TAFA2: variants seen among roughly 807,000 people sequenced by gnomAD.
TAFA2 encodes chemokine-like protein TAFA-2.
Under a neutral mutation model 18.8 loss-of-function variants are expected in TAFA2, and 7 were observed. The ratio of observed to expected loss-of-function variants is 0.37; its 90% CI spans 0.21 to 0.70. The LOEUF (loss-of-function observed/expected upper bound fraction) is 0.70. TAFA2 is among the 30% of genes least tolerant of loss of function. The pLI is 0.53. For missense variants in TAFA2, 122 were observed against 158.1 expected, an observed-to-expected ratio of 0.77 and a Z score of 1.23; for synonymous variants, 60 against 54.2, an observed-to-expected ratio of 1.11 and a Z score of -0.47.
intron 1 of TAFA2, among the ~76,000 whole-genome samples, chr12:61,918,290 C>A (rs1876912790): frequency 6.6e-6 from 1 of 152,084 alleles, no homozygotes; most frequent in South Asian, 2.1e-4. Context: ...TAACCATCCC[C>A]CCTTTTCCCC....
At chr12:62,094,054 A>C (rs1486718207) in intron 1 of TAFA2, among the ~76,000 whole-genome samples, 1 of 144,968 alleles carries the variant, frequency 6.9e-6, no homozygotes, top group Non-Finnish European at 1.5e-5. Flanking sequence ...AAATTCAGAA[A>C]ACTTTGTTTT....
intron 2 of TAFA2, among the ~76,000 whole-genome samples, chr12:61,819,594 C>T (rs908586022): frequency 6.6e-6 from 1 of 152,058 alleles, no homozygotes; most frequent in Admixed American, 6.6e-5. Context: ...TTATATTTTT[C>T]CTCAGATTCT....
chr12:62,238,341 C>G (rs2062847255), intron 1 of TAFA2, among the ~76,000 whole-genome samples: 3 of 152,168 alleles, frequency 2.0e-5, no homozygotes, highest in African/African-American at 7.2e-5. Flanking sequence ...TATTTGTTTT[C>G]AATTTTCCGT....
chr12:61,886,313 G>A (rs1442750591), intron 1 of TAFA2, among the ~76,000 whole-genome samples: 1 of 152,042 alleles, frequency 6.6e-6, no homozygotes, highest in African/African-American at 2.4e-5. Flanking sequence ...ATTTTCCCAG[G>A]CCTGACTCCT....
Position 61,977,996 on chromosome 12 carries a change from A to C in TAFA2, c.-1-110570T>G, listed in dbSNP as rs910684362. Among the ~76,000 whole-genome samples, 7 of 152,190 alleles carry C rather than the reference A, an allele frequency of 4.6e-5. No individual in the cohort carries two copies. In the East Asian group the frequency reaches 1.4e-3, roughly 29 times the overall value. On this transcript the variant is annotated intron_variant, in intron 1 of 4. Coordinates refer to ENST00000416284, the MANE Select transcript of TAFA2 (RefSeq NM_178539.5). ...TTAGATTAAGAATTCCTTTTATAAA[A>C]ATAATGAAAACATTGCTACAATAGT... is the stretch of plus-strand genomic sequence containing the variant.
chr12:61,806,703 G>A (rs1168488956), intron 2 of TAFA2, among the ~76,000 whole-genome samples: 1 of 152,182 alleles, frequency 6.6e-6, no homozygotes, highest in South Asian at 2.1e-4. Context: ...AGACAATAAA[G>A]TCCAGGCTGA....
At position 61,863,892 on chromosome 12, in the gene TAFA2, C is replaced by T. The variant is rs545811668; in HGVS notation, c.106+3428G>A. 9.2e-5 allele frequency among the ~76,000 whole-genome samples: 14 copies of T among 152,218 alleles called. No individual in the cohort carries two copies. The South Asian group carries it at 1.2e-3, about 14-fold the overall frequency. On this transcript the variant is annotated intron_variant, in intron 2 of 4. Transcript: ENST00000416284. ...AATGGCCAATGGACACAAGGGTAGA[C>T]GAGGCCATCTATCTTGCCTCAAGGA...
At chr12:61,904,637 GAA>G (rs1221497264) in intron 1 of TAFA2, among the ~76,000 whole-genome samples, 1 of 152,114 alleles carries the variant, frequency 6.6e-6, no homozygotes, top group Non-Finnish European at 1.5e-5. Context: ...TCAGCAAAAA[GAA>G]AAGACTCAGT....
intron 1 of TAFA2, among the ~76,000 whole-genome samples, chr12:62,113,144 A>G (rs566760664): frequency 5.3e-4 from 81 of 152,102 alleles, no homozygotes; most frequent in Admixed American, 1.3e-4. Context: ...CTTTGATGTC[A>G]GTGATCTTCG....
chr12:61,946,413 C>T (rs200095423), intron 1 of TAFA2, among the ~76,000 whole-genome samples: 1,917 of 109,226 alleles, frequency 0.018, 5 homozygotes, highest in East Asian at 0.041. Context: ...ACTTCATGTC[C>T]AAAACACCAA....
chr12:61,734,013 G>A (rs1868263072), intron 4 of TAFA2, among the ~76,000 whole-genome samples: 1 of 147,782 alleles, frequency 6.8e-6, no homozygotes, highest in Non-Finnish European at 1.5e-5. Context: ...GGATTCCTAG[G>A]TATTTTATTC....
intron 1 of TAFA2, among the ~76,000 whole-genome samples, chr12:61,883,969 C>G (rs569857113): frequency 6.6e-6 from 1 of 152,136 alleles, no homozygotes; most frequent in Admixed American, 6.5e-5. Context: ...ATTTCTTACA[C>G]TAAGTAGGTC....
intron 1 of TAFA2, among the ~76,000 whole-genome samples, chr12:62,007,024 TGAA>T (rs1880574642): frequency 6.6e-6 from 1 of 152,200 alleles, no homozygotes. Flanking sequence ...GAAGCATGAT[TGAA>T]GGAAACTCTG....
chr12:62,106,497 G>A (rs1170061010), intron 1 of TAFA2, among the ~76,000 whole-genome samples: 1 of 152,114 alleles, frequency 6.6e-6, no homozygotes, highest in East Asian at 1.9e-4. Flanking sequence ...TAAAGGGAGA[G>A]GCAGAAGGGA....
chr12:62,118,885 G>A (rs1424084611), intron 1 of TAFA2, among the ~76,000 whole-genome samples: 2 of 152,104 alleles, frequency 1.3e-5, no homozygotes, highest in African/African-American at 2.4e-5. Context: ...ACTAGTTTGT[G>A]ACAGTACTTC....
intron 1 of TAFA2, among the ~76,000 whole-genome samples, chr12:62,024,415 G>A (rs1244527562): frequency 6.6e-6 from 1 of 152,070 alleles, no homozygotes; most frequent in Non-Finnish European, 1.5e-5. Context: ...TGTTTGGTTA[G>A]AGCCCAATCC....
chr12:61,917,395 G>A (rs867341866), intron 1 of TAFA2, among the ~76,000 whole-genome samples: 49 of 152,068 alleles, frequency 3.2e-4, no homozygotes, highest in African/African-American at 1.0e-3. Context: ...AGCTCTTTGT[G>A]TAGTATTCCT....
At chr12:62,196,432 T>A (rs1274573363), upstream of TAFA2, among the ~76,000 whole-genome samples, 1 of 152,226 alleles carries the variant, frequency 6.6e-6, no homozygotes, top group East Asian at 1.9e-4. Context: ...CCTTCCTCCC[T>A]ATTAAGCTTT....
At position 61,985,824 on chromosome 12, in the gene TAFA2, T is replaced by C. The variant is rs115583473; in HGVS notation, c.-1-118398A>G. The stretch of plus-strand genomic sequence containing the variant: ...TCTTTTGAAGGTTAAGAAGTTGTGT[T>C]ATGATATGTAAAATGATTTTCTGAT... On this transcript the variant is annotated intron_variant, in intron 1 of 4. Coordinates refer to ENST00000416284, the MANE Select transcript of TAFA2 (RefSeq NM_178539.5). Among the ~76,000 whole-genome samples, 1,039 of 152,344 alleles carry C rather than the reference T, an allele frequency of 6.8e-3. 14 individuals carry two copies. The highest frequency in any genetic ancestry group is 0.024 in the African/African-American group (981 of 41,578).
Sources: allele counts gnomAD v4.1 joint callset (sites outside exome capture counted in the v4.1 genomes callset), GRCh38; gene constraint gnomAD v4.1.1; transcripts MANE v1.5; gene names NCBI Gene and HGNC (gene_info 2026-07-23, HGNC 2026-07-21).